Variants in MALRD1 observed in about 807,000 individuals in gnomAD.
MALRD1 encodes the protein MAM and LDL-receptor class A domain-containing protein 1.
Under a neutral mutation model 242.1 loss-of-function variants are expected in MALRD1, and 247 were observed. The ratio of observed to expected loss-of-function variants is 1.02; its 90% CI spans 0.92 to 1.13. The LOEUF (loss-of-function observed/expected upper bound fraction) is 1.13, where lower values mean the gene tolerates loss of function less well. Ranked by LOEUF, MALRD1 falls within the 50% of genes most tolerant of loss-of-function variation. The pLI is 0.00. For missense variants in MALRD1, 2,989 were observed against 2,533.1 expected (o/e 1.18, Z -3.86); for synonymous variants, 995 against 866.6 (o/e 1.15, Z -2.60).
chr10:19,535,577 GTA>G (rs563014323), intron 32 of MALRD1, among the ~76,000 whole-genome samples: 140 of 147,874 alleles, frequency 9.5e-4, no homozygotes, highest in African/African-American at 3.0e-3. Context: ...ATGTATATAC[GTA>G]TATATATATA....
intron 38 of MALRD1, among the ~76,000 whole-genome samples, chr10:19,704,265 C>T (rs1051157909): frequency 1.2e-4 from 18 of 152,064 alleles, no homozygotes; most frequent in Admixed American, 7.9e-4. Context: ...ACCATAAACT[C>T]GGTGGTATAA....
intron 8 of MALRD1, among the ~76,000 whole-genome samples, chr10:19,130,187 A>G (rs953668541): frequency 2.6e-5 from 4 of 152,088 alleles, no homozygotes; most frequent in Admixed American, 1.3e-4. Flanking sequence ...ACATCTCCCT[A>G]TCCTTCCTGC....
chr10:19,250,458 A>G (rs1839249516), intron 18 of MALRD1, among the ~76,000 whole-genome samples: 1 of 152,002 alleles, frequency 6.6e-6, no homozygotes, highest in African/African-American at 2.4e-5. Flanking sequence ...ATGGGTTCTC[A>G]GAGGGTATTT....
intron 1 of MALRD1, among the ~76,000 whole-genome samples, chr10:19,059,456 C>T (rs1401364435): frequency 3.3e-5 from 5 of 152,010 alleles, no homozygotes; most frequent in Admixed American, 2.6e-4. Flanking sequence ...GGCATGATCT[C>T]GGCTCACTGC....
chr10:19,269,507 G>T (rs781628372), intron 19 of MALRD1, among the ~76,000 whole-genome samples: 2 of 152,234 alleles, frequency 1.3e-5, no homozygotes, highest in African/African-American at 2.4e-5. Context: ...AATGTGTGAG[G>T]ACCAGAGAGT....
chr10:19,444,486 A>T (rs937586147), intron 28 of MALRD1, among the ~76,000 whole-genome samples: 4 of 152,072 alleles, frequency 2.6e-5, no homozygotes, highest in African/African-American at 9.7e-5. Context: ...TTCAGGAGCT[A>T]TTGTAAGGCA....
intron 29 of MALRD1, among the ~76,000 whole-genome samples, chr10:19,464,248 AT>A (rs1836107484): frequency 6.6e-6 from 1 of 151,942 alleles, no homozygotes; most frequent in South Asian, 2.1e-4. Flanking sequence ...TTTTTGTTGC[AT>A]TTGCTTTTGG....
chr10:19,470,845 A>T (rs1253914206), intron 29 of MALRD1, among the ~76,000 whole-genome samples: 1 of 151,682 alleles, frequency 6.6e-6, no homozygotes, highest in African/African-American at 2.4e-5. Flanking sequence ...CAGATATATG[A>T]TTCACAAATA....
intron 32 of MALRD1, among the ~76,000 whole-genome samples, chr10:19,553,481 A>T (rs1011598993): frequency 4.6e-5 from 7 of 152,074 alleles, no homozygotes; most frequent in African/African-American, 1.7e-4. Flanking sequence ...AACAGCTTGT[A>T]CTGTGTTTTA....
rs117817971 is a variant in MALRD1 at position 19,500,966 on chromosome 10, A to G, written c.5320+2320A>G. On this transcript the variant is annotated intron_variant, in intron 31 of 39. Transcript: ENST00000454679. ...GATAATGGGTAAACATAATAAATAA[A>G]TAAATTAGATGGCTTATTAGAAGTT... Among the ~76,000 whole-genome samples, 887 of 152,312 alleles carry G rather than the reference A, an allele frequency of 5.8e-3. 13 individuals carry two copies. Among genetic ancestry groups the G allele is most frequent in the Admixed American group, 0.022 (343 of 15,292 alleles).
At chr10:19,374,578 G>T (rs539936923) in intron 26 of MALRD1, among the ~76,000 whole-genome samples, 1 of 152,100 alleles carries the variant, frequency 6.6e-6, no homozygotes, top group Non-Finnish European at 1.5e-5. Flanking sequence ...AATGACATGC[G>T]TATAGTTTCG....
chr10:19,657,074 A>G (rs1419101288), intron 36 of MALRD1, among the ~76,000 whole-genome samples: 7 of 152,126 alleles, frequency 4.6e-5, no homozygotes. Context: ...CAAATTTTTC[A>G]AATCTATAGA....
intron 28 of MALRD1, among the ~76,000 whole-genome samples, chr10:19,438,967 C>T (rs536855099): frequency 7.2e-5 from 11 of 152,098 alleles, no homozygotes; most frequent in African/African-American, 1.7e-4. Context: ...TTCTTGAATC[C>T]GCTGGCTGTT....
chr10:19,295,125 GTATAGCT>G (rs1841635566), intron 21 of MALRD1, among the ~76,000 whole-genome samples: 1 of 152,012 alleles, frequency 6.6e-6, no homozygotes, highest in Admixed American at 6.6e-5. Context: ...GTTGAACAAT[GTATAGCT>G]TTGCCACATG....
At chr10:19,321,000 A>T (rs1005320467) in intron 21 of MALRD1, among the ~76,000 whole-genome samples, 1 of 151,220 alleles carries the variant, frequency 6.6e-6, no homozygotes, top group Non-Finnish European at 1.5e-5. Context: ...TATTGCAAAA[A>T]TTTTCTCCCA....
intron 34 of MALRD1, 84 bp downstream of exon 34, chr10:19,595,541 T>G: frequency 1.5e-6 from 2 of 1,377,200 alleles, no homozygotes; most frequent in African/African-American, 1.5e-5. Context: ...TAAAATGAAG[T>G]TCTCTAGAGC....
rs549149899 is a variant in MALRD1 at position 19,513,522 on chromosome 10, G to A, written c.5320+14876G>A. Among the ~76,000 whole-genome samples the A allele has an allele frequency of 4.6e-5, 7 of 151,182 alleles. No homozygotes were observed. In the East Asian group the frequency reaches 1.2e-3, roughly 25 times the overall value. The stretch of plus-strand genomic sequence containing the variant: ...TGGGAGGCCGAGGCGGGCGGATCAC[G>A]AGGTCAGGAGATTGAGACCATCCTG... On this transcript the variant is annotated intron_variant, in intron 31 of 39. Transcript: ENST00000454679.
chr10:19,503,474 T>G (rs1365085960), intron 31 of MALRD1, among the ~76,000 whole-genome samples: 2 of 152,138 alleles, frequency 1.3e-5, no homozygotes, highest in Non-Finnish European at 2.9e-5. Context: ...TTGACGAAGT[T>G]GGGGAGAGAA....
At chr10:19,082,853 C>CA (rs1323428991) in intron 2 of MALRD1, among the ~76,000 whole-genome samples, 1 of 151,894 alleles carries the variant, frequency 6.6e-6, no homozygotes, top group Non-Finnish European at 1.5e-5. Context: ...GCTGCTAGAA[C>CA]AAAATGCCAT....
Sources: allele counts gnomAD v4.1 joint callset (sites outside exome capture counted in the v4.1 genomes callset), GRCh38; gene constraint gnomAD v4.1.1; transcripts MANE v1.5; gene names NCBI Gene and HGNC (gene_info 2026-07-23, HGNC 2026-07-21).